Variants in UBXN6 observed in about 807,000 individuals in gnomAD.
The protein encoded by UBXN6 is UBX domain-containing protein 6.
In UBXN6, 44 loss-of-function variants were observed where a neutral mutation model predicts 51.4. That is an observed-to-expected ratio of 0.86 (90% confidence interval 0.67 to 1.10). UBXN6 has a LOEUF of 1.10. Among genes scored for constraint, UBXN6 ranks in the 50% least tolerant of loss-of-function variants. The pLI is 0.00. For synonymous variants in UBXN6, 316 were observed against 263.2 expected, an observed-to-expected ratio of 1.20 and a Z score of -1.94; for missense variants, 672 against 596.1, an observed-to-expected ratio of 1.13 and a Z score of -1.32.
Position 4,445,340 on chromosome 19 carries a change from G to A in UBXN6, c.*158C>T. On this transcript the variant is annotated 3_prime_UTR_variant, in exon 11 of 11. Transcript: ENST00000301281. ...CCCAAGGGATGGGGGCTCTGCCACGGGGCCCAATTCCACAGCTCCACGGCT... is the reference window on the plus strand; with the variant it reads ...CCCAAGGGATGGGGGCTCTGCCACGAGGCCCAATTCCACAGCTCCACGGCT... The A allele has an allele frequency of 7.8e-7, 1 of 1,287,314 alleles. No homozygotes were observed. The highest frequency in any genetic ancestry group is 1.4e-5 in the South Asian group (1 of 70,756). The allele number at this position is 1,287,314 out of a possible 1,614,324, so 79.7% of individuals were successfully genotyped here. A position where few individuals can be genotyped will look rare whatever the true frequency, so the allele number is the denominator to read the frequency against.
Position 4,446,435 on chromosome 19 carries a change from C to T in UBXN6, c.921-22G>A, listed in dbSNP as rs243388. 9.4e-3 allele frequency: 14,832 copies of T among 1,577,942 alleles called. 96 individuals carry two copies. The highest frequency in any genetic ancestry group is 0.011 in the Non-Finnish European group (12,885 of 1,167,644). On this transcript the variant is annotated intron_variant, in intron 8 of 10. Transcript: ENST00000301281. ...GGACCTGCACACGCGGGCCAGGTCA[C>T]GAGGGCTGGCCGGGGTTCTTCCACC...
intron 1 of UBXN6, among the ~76,000 whole-genome samples, 175 bp downstream of exon 1, chr19:4,457,440 G>A (rs1443754592): frequency 1.8e-5 from 2 of 113,236 alleles, no homozygotes; most frequent in African/African-American, 6.8e-5. Flanking sequence ...TCCCCCTGAC[G>A]CCCACCCTCG....
In UBXN6 at chr19:4,457,793, AT is replaced by A. The variant is rs201600986; in HGVS notation, c.-97del. The A allele has an allele frequency of 0.084, 17,869 of 211,720 alleles. 2,953 individuals carry two copies. The highest frequency in any genetic ancestry group is 0.37 in the Admixed American group (2,405 of 6,576). 13.1% of individuals were successfully genotyped at this position (211,720 alleles called of 1,614,324 possible). ...GCCGGAGACCAGCCACCGGAAGAAAATTAAAAAAAAAAAAAAAAAAAAAAAA... is the reference window on the plus strand; with the variant it reads ...GCCGGAGACCAGCCACCGGAAGAAAATAAAAAAAAAAAAAAAAAAAAAAAA... On this transcript the variant is annotated 5_prime_UTR_variant, in exon 1 of 11. Coordinates refer to ENST00000301281, the MANE Select transcript of UBXN6 (RefSeq NM_025241.3).
chr19:4,457,484 C>G (rs550745113), intron 1 of UBXN6, 131 bp downstream of exon 1: 9 of 702,776 alleles, frequency 1.3e-5, no homozygotes, highest in Admixed American at 4.3e-5. Context: ...GCCTCTCCCC[C>G]TCCCCTGACC....
rs1260672362 is a variant in UBXN6 at position 4,446,547 on chromosome 19, G to C, written c.873C>G (p.Asp291Glu). The C allele has an allele frequency of 6.2e-7, 1 of 1,612,308 alleles. No individual in the cohort carries two copies. Among genetic ancestry groups the C allele is most frequent in the East Asian group, 2.2e-5 (1 of 44,874 alleles). ...TCTCCTCTGCTGTGAGGTTGAAGAA[G>C]TCCCCAGGCAGTTCGAACTGCGAGG... ...PLASQFELPG[D>E]FFNLTAEEIK... The change falls in exon 8 of 11, where the codon GAC (aspartate) becomes GAG (glutamate). Residue 291 changes from aspartate (D) to glutamate (E), a missense_variant. Coordinates refer to ENST00000301281, the MANE Select transcript of UBXN6 (RefSeq NM_025241.3).
Position 4,454,036 on chromosome 19 carries a change from T to A in UBXN6, c.141A>T (p.Gly47=), listed in dbSNP as rs780738119. The change falls in exon 2 of 11, where the codon GGA becomes GGT. Residue 47 remains glycine, a synonymous_variant. Coordinates refer to ENST00000301281, the MANE Select transcript of UBXN6 (RefSeq NM_025241.3). ...CTGCCATCTGTGCCTCATTGGTGGG[T>A]CCCTGGCGGGGCGGCCTGGGGGCTG... ...NQPAPRPPRQ[G]PTNEAQMAAA... is the part of the protein sequence containing the mutation. 6.3e-7 allele frequency: 1 copy of A among 1,594,702 alleles called. No individual in the cohort carries two copies. The highest frequency in any genetic ancestry group is 1.8e-5 in the Admixed American group (1 of 55,916).
At position 4,448,486 on chromosome 19, in the gene UBXN6, A is replaced by T. The variant is rs1974587928; in HGVS notation, c.442-71T>A. 5.5e-6 allele frequency: 7 copies of T among 1,275,676 alleles called. No individual in the cohort carries two copies. The Admixed American group carries it at 1.4e-4, about 25-fold the overall frequency. 79.0% of individuals were successfully genotyped at this position (1,275,676 alleles called of 1,614,324 possible). A position where few individuals can be genotyped will look rare whatever the true frequency, so the allele number is the denominator to read the frequency against. On this transcript the variant is annotated intron_variant, in intron 4 of 10. Coordinates refer to ENST00000301281, the MANE Select transcript of UBXN6 (RefSeq NM_025241.3). ...CGCACGGCCCTCCGCTGCCCAGGTAACAGGGGCAGGAAAAGGAAGGCAGAA... is the reference window on the plus strand; with the variant it reads ...CGCACGGCCCTCCGCTGCCCAGGTATCAGGGGCAGGAAAAGGAAGGCAGAA...
rs752927530 is a variant in UBXN6, at chr19:4,453,977, T to G, written c.200A>C (p.Gln67Pro). 1 of 1,611,326 alleles carries G rather than the reference T, an allele frequency of 6.2e-7. No individual in the cohort carries two copies. The highest frequency in any genetic ancestry group is 8.5e-7 in the Non-Finnish European group (1 of 1,179,774). Residue 67 changes from glutamine to proline, a missense_variant, in exon 2 of 11, where the codon CAG becomes CCG. Transcript: ENST00000301281. ...CGATGTGGGGCCCCAGGCCCGGGAC[T>G]GCTTCTGCTCCAGCCGGGCTAGGGC... The part of the protein sequence containing the change: ...AAALARLEQK[Q>P]SRAWGPTSQD...
In UBXN6 at chr19:4,457,692, C is replaced by A. The variant is rs1974760019; in HGVS notation, c.6G>T (p.Lys2Asn). 6.4e-7 allele frequency: 1 copy of A among 1,571,682 alleles called. No individual in the cohort carries two copies. The highest frequency in any genetic ancestry group is 8.6e-7 in the Non-Finnish European group (1 of 1,161,192). Reference protein sequence around the residue: MKKFFQEFKADI... With the variant: MNKFFQEFKADI... ...CGGCCTTGAACTCCTGAAAGAATTT[C>A]TTCATGGTGGCGGCTGGCCCGGCGG... The change falls in exon 1 of 11, where the codon AAG becomes AAT. Residue 2 changes from lysine (K) to asparagine (N), a missense_variant. Transcript: ENST00000301281.
rs375594132 is a variant in UBXN6, at chr19:4,453,488, G to A, written c.282C>T (p.Ser94=). The stretch of plus-strand genomic sequence containing the variant: ...TGGTCCCTGGGGCCTCGGGGCTCCC[G>A]CTGACGGTGGCTTCGGCTTGAAGTT... ...RKELQAEATV[S]GSPEAPGTNV... Residue 94 remains serine, a synonymous_variant, in exon 3 of 11, where the codon AGC becomes AGT. Transcript: ENST00000301281. 1.4e-5 allele frequency: 23 copies of A among 1,613,692 alleles called. No homozygotes were observed. Among genetic ancestry groups the A allele is most frequent in the Admixed American group, 8.3e-5 (5 of 59,970 alleles).
chr19:4,454,990 C>T (rs1361175746), intron 1 of UBXN6: 4 of 157,220 alleles, frequency 2.5e-5, no homozygotes, highest in African/African-American at 9.6e-5. Context: ...GGAGAGCGGA[C>T]AGCAGAACCA....
intron 1 of UBXN6, among the ~76,000 whole-genome samples, chr19:4,456,674 C>T (rs986978377): frequency 4.6e-5 from 7 of 152,186 alleles, no homozygotes; most frequent in Non-Finnish European, 8.8e-5. Flanking sequence ...TCTCCAAGTC[C>T]TCCCTAGACA....
At chr19:4,452,570 T>A (rs1974672721) in intron 3 of UBXN6, 78 bp from the exon 4 acceptor site, 1 of 1,506,928 alleles carries the variant, frequency 6.6e-7, no homozygotes. Flanking sequence ...CAGTCCTGAG[T>A]GTGGCCCGTA....
In UBXN6 at chr19:4,447,606, G is replaced by C. The variant is rs2145173399; in HGVS notation, c.559C>G (p.Leu187Val). 2.5e-6 allele frequency: 4 copies of C among 1,613,954 alleles called. 1 individual carries two copies. The highest frequency in any genetic ancestry group is 3.3e-4 in the Middle Eastern group (2 of 6,026). Residue 187 changes from leucine (L) to valine (V), a missense_variant, in exon 6 of 11, where the codon CTG becomes GTG. By Grantham distance (32) the Leu-to-Val change is conservative. Coordinates refer to ENST00000301281, the MANE Select transcript of UBXN6 (RefSeq NM_025241.3). ...CGGTACTTCTCCTCCTCGGGGTGCA[G>C]GTGGATGTTGTCCAGGTACCTGGGG... is the stretch of plus-strand genomic sequence containing the variant. ...TIAKYLDNIHLHPEEEKYRKI... is the reference protein window; with the variant it reads ...TIAKYLDNIHVHPEEEKYRKI...
chr19:4,449,891 G>A (rs752782451), intron 4 of UBXN6: 2 of 152,086 alleles, frequency 1.3e-5, no homozygotes, highest in Non-Finnish European at 2.9e-5. Flanking sequence ...CTGGATCAAA[G>A]CTTCAACCAT....
chr19:4,448,108 C>A, intron 5 of UBXN6: 2 of 596,854 alleles, frequency 3.4e-6, no homozygotes, highest in Admixed American at 5.9e-5. Flanking sequence ...TCCTTCAACA[C>A]CTTCATTTTG....
chr19:4,457,871 C>G (rs1009929943), upstream of UBXN6: 5 of 433,858 alleles, frequency 1.2e-5, no homozygotes, highest in Non-Finnish European at 1.9e-5. Flanking sequence ...TGCCACGTGA[C>G]AATCGACTAG....
chr19:4,457,794 T>TA (rs1491526222), upstream of UBXN6: 73 of 161,514 alleles, frequency 4.5e-4, 7 homozygotes, highest in African/African-American at 1.1e-3. Flanking sequence ...CGGAAGAAAA[T>TA]TAAAAAAAAA....
intron 4 of UBXN6, among the ~76,000 whole-genome samples, 164 bp downstream of exon 4, chr19:4,452,200 C>T (rs1974663998): frequency 6.6e-6 from 1 of 151,308 alleles, no homozygotes; most frequent in Non-Finnish European, 1.5e-5. Context: ...CAGATGCATA[C>T]ACAATGGTGT....
Sources: allele counts gnomAD v4.1 joint callset (sites outside exome capture counted in the v4.1 genomes callset), GRCh38; gene constraint gnomAD v4.1.1; transcripts MANE v1.5; gene names NCBI Gene and HGNC (gene_info 2026-07-23, HGNC 2026-07-21).